FBRSL1: variants seen among roughly 807,000 people sequenced by gnomAD.
FBRSL1 encodes the protein fibrosin like 1, also known as fibrosin-1-like protein.
In FBRSL1, 51 loss-of-function variants were observed where a neutral mutation model predicts 89.6. That is an observed-to-expected ratio of 0.57 (90% CI 0.45 to 0.72). The LOEUF is 0.72. FBRSL1 is among the 30% of genes least tolerant of loss of function. FBRSL1 has a pLI of 0.00. For synonymous variants in FBRSL1, 779 were observed against 681.1 expected (o/e 1.14, Z -2.24); for missense variants, 1,618 against 1,451.8 (o/e 1.11, Z -1.86).
chr12:132,569,162 G>A (rs1352655243), intron 6 of FBRSL1, among the ~76,000 whole-genome samples: 1 of 144,268 alleles, frequency 6.9e-6, no homozygotes, highest in Non-Finnish European at 1.5e-5. Flanking sequence ...CTGGGGACTT[G>A]ATCTGAGACC....
chr12:132,499,488 T>C lies in FBRSL1; in HGVS notation c.291+8627T>C, dbSNP rs57094108. 3.3e-5 allele frequency among the ~76,000 whole-genome samples: 5 copies of C among 152,216 alleles called. No homozygotes were observed. Among genetic ancestry groups the C allele is most frequent in the African/African-American group, 1.2e-4 (5 of 41,452 alleles). ...CCCCAAGATACACCCACAGGCCCCA[T>C]TGCCAGTGAGTATTGGGATGGCAGT... is the stretch of plus-strand genomic sequence containing the variant. On this transcript the variant is annotated intron_variant, in intron 1 of 18. Transcript: ENST00000680143. This position sits in a 1 kb window ranked among gnomAD's most constrained non-coding sequence, Gnocchi z 4.3.
intron 5 of FBRSL1, among the ~76,000 whole-genome samples, chr12:132,557,553 C>T (rs930835617): frequency 5.3e-5 from 8 of 152,190 alleles, no homozygotes; most frequent in African/African-American, 1.9e-4. Flanking sequence ...CTGCCTGTTC[C>T]AGGATGGTCA....
At chr12:132,494,586 G>A (rs2031675124) in intron 1 of FBRSL1, among the ~76,000 whole-genome samples, 2 of 152,258 alleles carry the variant, frequency 1.3e-5, no homozygotes, top group Admixed American at 1.3e-4. Context: ...AGGGTGCCCA[G>A]GAGCACATTG....
At chr12:132,569,184 G>GTT (rs2137839443) in intron 6 of FBRSL1, among the ~76,000 whole-genome samples, 1 of 144,688 alleles carries the variant, frequency 6.9e-6, no homozygotes, top group African/African-American at 2.5e-5. Context: ...GCCCGAAGGG[G>GTT]CCTGAAAAGG....
chr12:132,571,191 G>A lies in FBRSL1; in HGVS notation c.1337G>A (p.Ser446Asn). The A allele has an allele frequency of 7.0e-7, 1 of 1,432,866 alleles. No homozygotes were observed. The highest frequency in any genetic ancestry group is 9.2e-7 in the Non-Finnish European group (1 of 1,091,372). 88.8% of individuals were successfully genotyped at this position (1,432,866 alleles called of 1,614,324 possible). ...LPAPLGPHVA[S>N]GHPGLACRPR... ...GCACCCCTGGGCCCGCACGTGGCGA[G>A]CGGCCACCCCGGCTTGGCCTGCCGA... The change falls in exon 9 of 19, where the codon AGC becomes AAC. Residue 446 changes from serine to asparagine, a missense_variant. Coordinates refer to ENST00000680143, the MANE Select transcript of FBRSL1 (RefSeq NM_001367871.1).
At chr12:132,547,052 C>T (rs2037747367) in intron 4 of FBRSL1, among the ~76,000 whole-genome samples, 1 of 152,206 alleles carries the variant, frequency 6.6e-6, no homozygotes, top group Non-Finnish European at 1.5e-5. Context: ...GTGAATGCCT[C>T]ATAATTGCAG....
chr12:132,515,293 A>G (rs964202621), intron 2 of FBRSL1, among the ~76,000 whole-genome samples: 7 of 152,142 alleles, frequency 4.6e-5, no homozygotes, highest in Non-Finnish European at 8.8e-5. Context: ...TGACTGGGCT[A>G]GAAGTTGACA....
rs778424660 is a variant in FBRSL1 at position 132,574,552 on chromosome 12, G to A, written c.1689G>A (p.Gln563=). Residue 563 remains glutamine (Q), a synonymous_variant, in exon 14 of 19, where the codon CAG becomes CAA. Transcript: ENST00000680143. ...TCGCCTGGCAGATCTACCGTCACCA[G>A]CAGAAGATAAAGGTGAGACCACCTG... ...VQIAWQIYRH[Q]QKIKEMQLDP... is the part of the protein sequence containing the mutation. 1 of 1,549,918 alleles carries A rather than the reference G, an allele frequency of 6.5e-7. No individual in the cohort carries two copies. Among genetic ancestry groups the A allele is most frequent in the Non-Finnish European group, 8.7e-7 (1 of 1,146,816 alleles).
intron 1 of FBRSL1, among the ~76,000 whole-genome samples, chr12:132,500,488 G>C (rs1030868981): frequency 6.6e-6 from 1 of 152,122 alleles, no homozygotes; most frequent in African/African-American, 2.4e-5. Flanking sequence ...CCTGTCCTCT[G>C]TCCCCCATAG....
chr12:132,567,128 G>T (rs1300875112), intron 5 of FBRSL1, among the ~76,000 whole-genome samples: 1 of 152,212 alleles, frequency 6.6e-6, no homozygotes, highest in Non-Finnish European at 1.5e-5. Context: ...TACTGGTGCT[G>T]GTTCTCCTGG....
intron 4 of FBRSL1, among the ~76,000 whole-genome samples, chr12:132,535,542 T>A (rs973094513): frequency 6.6e-6 from 1 of 152,228 alleles, no homozygotes; most frequent in African/African-American, 2.4e-5. Flanking sequence ...GGGCACTGGC[T>A]GCCACATCCC....
intron 5 of FBRSL1, among the ~76,000 whole-genome samples, chr12:132,559,089 T>C (rs2038903353): frequency 6.6e-6 from 1 of 152,260 alleles, no homozygotes; most frequent in Non-Finnish European, 1.5e-5. Flanking sequence ...AAGCAGCCTT[T>C]GCAGGAAGCC....
chr12:132,493,371 T>G (rs2031427960), intron 1 of FBRSL1, among the ~76,000 whole-genome samples: 1 of 152,214 alleles, frequency 6.6e-6, no homozygotes, highest in Non-Finnish European at 1.5e-5. Context: ...GGCTGGCTTG[T>G]GCCCGCGGGA....
At chr12:132,506,767 C>T (rs537016292) in intron 1 of FBRSL1, among the ~76,000 whole-genome samples, 5 of 152,378 alleles carry the variant, frequency 3.3e-5, no homozygotes, top group South Asian at 2.1e-4. Context: ...CATGGGCTCT[C>T]GGGCTTGTGC....
chr12:132,579,386 A>G (rs913137645), intron 15 of FBRSL1, among the ~76,000 whole-genome samples: 12 of 152,342 alleles, frequency 7.9e-5, no homozygotes, highest in African/African-American at 2.9e-4. Flanking sequence ...AGAATTACTC[A>G]TAGATGCTTT....
chr12:132,547,795 T>G (rs575879856), intron 4 of FBRSL1, among the ~76,000 whole-genome samples: 2 of 152,254 alleles, frequency 1.3e-5, no homozygotes, highest in Non-Finnish European at 2.9e-5. Context: ...CCCGGGGGGC[T>G]GTGATCCAGG....
chr12:132,509,662 C>T (rs1338193146), intron 2 of FBRSL1: 2 of 1,231,248 alleles, frequency 1.6e-6, no homozygotes, highest in African/African-American at 1.6e-5. Flanking sequence ...TTCCTCCTGG[C>T]CCCAAGGCAC....
intron 15 of FBRSL1, 73 bp from the exon 16 acceptor site, chr12:132,581,366 T>C: frequency 6.5e-7 from 1 of 1,549,850 alleles, no homozygotes. Context: ...GGGTGCTCCC[T>C]GTGAACAGAG....
At chr12:132,497,490 C>G (rs2032230167) in intron 1 of FBRSL1, among the ~76,000 whole-genome samples, 1 of 152,098 alleles carries the variant, frequency 6.6e-6, no homozygotes, top group South Asian at 2.1e-4. Context: ...CTGAGTGACC[C>G]CTGTGTCCCA....
Sources: gnomAD v4.1 joint callset for allele counts (sites outside exome capture counted in the v4.1 genomes callset) on GRCh38, gnomAD v4.1.1 for gene constraint, Gnocchi (gnomAD v3.1) non-coding constraint, MANE v1.5 for transcripts, NCBI Gene and HGNC (gene_info 2026-07-23, HGNC 2026-07-21) for gene names.